Variants in MARCHF4 observed in about 807,000 individuals in gnomAD.
MARCHF4 encodes the protein membrane associated ring-CH-type finger 4, also known as E3 ubiquitin-protein ligase MARCHF4.
A neutral mutation model predicts 43.9 loss-of-function variants in MARCHF4; 14 were observed. That is an observed-to-expected ratio of 0.32 (90% CI 0.21 to 0.50). MARCHF4 has a LOEUF of 0.50. MARCHF4 is among the 20% of genes least tolerant of loss of function. MARCHF4 has a pLI of 0.98. For missense variants in MARCHF4, 468 were observed against 536.7 expected (o/e 0.87, Z 1.27); for synonymous variants, 226 against 213.3 (o/e 1.06, Z -0.52).
chr2:216,355,919 C>A (rs1692494492), intron 1 of MARCHF4, among the ~76,000 whole-genome samples: 1 of 152,154 alleles, frequency 6.6e-6, no homozygotes, highest in Non-Finnish European at 1.5e-5. Flanking sequence ...AGCACACATA[C>A]AACAGAAGGG....
intron 1 of MARCHF4, among the ~76,000 whole-genome samples, chr2:216,300,350 G>GTATATATATATATATATATATATA (rs201683040): frequency 4.3e-5 from 5 of 115,804 alleles, no homozygotes; most frequent in African/African-American, 1.8e-4. Context: ...ATATATATAT[G>GTATATATATATATATATATATATA]TATATATATA....
At chr2:216,311,432 G>C (rs1398708870) in intron 1 of MARCHF4, among the ~76,000 whole-genome samples, 1 of 151,938 alleles carries the variant, frequency 6.6e-6, no homozygotes, top group Non-Finnish European at 1.5e-5. Flanking sequence ...TAATTTTTGT[G>C]TTTTTAGTAG....
chr2:216,281,202 G>T (rs1312567629), intron 2 of MARCHF4, among the ~76,000 whole-genome samples: 1 of 151,646 alleles, frequency 6.6e-6, no homozygotes, highest in African/African-American at 2.4e-5. Flanking sequence ...CCGAGTAGCT[G>T]GGACTACAGT....
At chr2:216,354,947 CT>C (rs1255676804) in intron 1 of MARCHF4, among the ~76,000 whole-genome samples, 4 of 140,180 alleles carry the variant, frequency 2.9e-5, no homozygotes, top group African/African-American at 1.1e-4. Flanking sequence ...TTCTTTCTTT[CT>C]TTCTTTCTTT....
At chr2:216,308,333 G>A (rs760710053) in intron 1 of MARCHF4, among the ~76,000 whole-genome samples, 1 of 152,150 alleles carries the variant, frequency 6.6e-6, no homozygotes, top group Non-Finnish European at 1.5e-5. Flanking sequence ...GAGCCAAGGA[G>A]GCAGAGTTTC....
At chr2:216,334,708 G>C (rs575891303) in intron 1 of MARCHF4, among the ~76,000 whole-genome samples, 1 of 152,268 alleles carries the variant, frequency 6.6e-6, no homozygotes, top group African/African-American at 2.4e-5. Flanking sequence ...CTGGCCTAAA[G>C]CTGCCTGGTT....
At chr2:216,338,939 C>CTT (rs1332162945) in intron 1 of MARCHF4, among the ~76,000 whole-genome samples, 1 of 152,176 alleles carries the variant, frequency 6.6e-6, no homozygotes, top group Admixed American at 6.5e-5. Flanking sequence ...AGCCAAGAAA[C>CTT]TTTCCCAAAA....
At chr2:216,345,686 C>A (rs181013150) in intron 1 of MARCHF4, among the ~76,000 whole-genome samples, 1 of 152,292 alleles carries the variant, frequency 6.6e-6, no homozygotes, top group Non-Finnish European at 1.5e-5. Context: ...CCACTGACCC[C>A]TTTGCTGCTC....
intron 1 of MARCHF4, among the ~76,000 whole-genome samples, chr2:216,297,915 C>T (rs1691422983): frequency 6.6e-6 from 1 of 152,252 alleles, no homozygotes; most frequent in Non-Finnish European, 1.5e-5. Context: ...CGAGGACACA[C>T]TCTCTCAAAT....
chr2:216,353,305 C>G (rs1025354831), intron 1 of MARCHF4, among the ~76,000 whole-genome samples: 1 of 152,186 alleles, frequency 6.6e-6, no homozygotes, highest in Non-Finnish European at 1.5e-5. Flanking sequence ...TCTCTTTGAT[C>G]GCTTCCATTC....
At chr2:216,350,218 C>G (rs938303260) in intron 1 of MARCHF4, among the ~76,000 whole-genome samples, 9 of 149,654 alleles carry the variant, frequency 6.0e-5, no homozygotes, top group African/African-American at 2.2e-4. Flanking sequence ...CTCATCATGC[C>G]ACACCCCCTC....
intron 1 of MARCHF4, among the ~76,000 whole-genome samples, chr2:216,346,269 C>T (rs571228267): frequency 4.0e-5 from 6 of 148,380 alleles, no homozygotes; most frequent in Non-Finnish European, 5.9e-5. Context: ...CCCACCCACA[C>T]ACGCACAGAC....
chr2:216,268,030 T>A (rs1690872437), intron 3 of MARCHF4, among the ~76,000 whole-genome samples: 1 of 152,172 alleles, frequency 6.6e-6, no homozygotes, highest in South Asian at 2.1e-4. Context: ...ATAAGCTACA[T>A]GCAAGTAACA....
chr2:216,312,407 T>C (rs1691701994), intron 1 of MARCHF4, among the ~76,000 whole-genome samples: 1 of 152,244 alleles, frequency 6.6e-6, no homozygotes, highest in Non-Finnish European at 1.5e-5. Context: ...TGAATAGTGC[T>C]GTGATGAACA....
At chr2:216,317,234 TTATC>T (rs545312330) in intron 1 of MARCHF4, among the ~76,000 whole-genome samples, 19 of 152,356 alleles carry the variant, frequency 1.2e-4, no homozygotes, top group African/African-American at 4.3e-4. Context: ...TGTTATTTTC[TTATC>T]TCATAGAAGT....
At chr2:216,259,861 A>G in intron 3 of MARCHF4, 182 bp from the exon 4 acceptor site, 1 of 616,376 alleles carries the variant, frequency 1.6e-6, no homozygotes, top group Admixed American at 3.0e-5. Flanking sequence ...TGGAGGGGCC[A>G]CCAGACCGAG....
intron 1 of MARCHF4, among the ~76,000 whole-genome samples, chr2:216,328,994 T>C (rs1435642931): frequency 6.6e-6 from 1 of 152,006 alleles, no homozygotes; most frequent in Non-Finnish European, 1.5e-5. Flanking sequence ...GCTGAGATTT[T>C]GCCTGAGCAA....
In MARCHF4 at chr2:216,263,514, AGAG is replaced by A. The variant is rs1559280544; in HGVS notation, c.866-3838_866-3836del. ...GAGAAAGAGAGAGAGAGAGAGAGAG[AGAG>A]AGAGAGAGAGAGAGAGAGAGAAAGA... is the stretch of plus-strand genomic sequence containing the variant. On this transcript the variant is annotated intron_variant, in intron 3 of 3. Coordinates refer to ENST00000273067, the MANE Select transcript of MARCHF4 (RefSeq NM_020814.3). Among the ~76,000 whole-genome samples, 66 of 148,940 alleles carry A rather than the reference AGAG, an allele frequency of 4.4e-4. 1 individual carries two copies. The highest frequency in any genetic ancestry group is 2.3e-3 in the East Asian group (12 of 5,118).
intron 1 of MARCHF4, among the ~76,000 whole-genome samples, chr2:216,355,816 G>A (rs1182410585): frequency 1.3e-5 from 2 of 152,214 alleles, no homozygotes; most frequent in African/African-American, 2.4e-5. Context: ...AACCCCTGGA[G>A]TGCCTTTTTT....
Sources: gnomAD v4.1 joint callset for allele counts (sites outside exome capture counted in the v4.1 genomes callset) on GRCh38, gnomAD v4.1.1 for gene constraint, MANE v1.5 for transcripts, NCBI Gene and HGNC (gene_info 2026-07-23, HGNC 2026-07-21) for gene names.